The following SLCO1B3 variants were observed in gnomAD, a reference collection of about 807,000 sequenced individuals.
SLCO1B3 encodes the protein solute carrier organic anion transporter family member 1B3, also known as liver-specific organic anion transporter 2.
In SLCO1B3, 72 loss-of-function variants were observed where a neutral mutation model predicts 71.8. The observed-to-expected ratio is 1.00, with a 90% CI of 0.83 to 1.22. The LOEUF (loss-of-function observed/expected upper bound fraction) is 1.22. Ranked by LOEUF, SLCO1B3 falls within the 50% of genes most tolerant of loss-of-function variation. The pLI, the probability that SLCO1B3 is intolerant of heterozygous loss-of-function variation, is 0.00. For synonymous variants in SLCO1B3, 298 were observed against 278.4 expected (o/e 1.07, Z -0.70); for missense variants, 911 against 819.7 (o/e 1.11, Z -1.36).
intron 1 of SLCO1B3, among the ~76,000 whole-genome samples, chr12:20,811,035 A>G (rs749315592): frequency 6.6e-6 from 1 of 152,182 alleles, no homozygotes; most frequent in Non-Finnish European, 1.5e-5. Flanking sequence ...ATTGCTTTCT[A>G]AACAAATGAA....
At chr12:20,879,016 T>C (rs1237129370) in intron 10 of SLCO1B3, among the ~76,000 whole-genome samples, 2 of 152,080 alleles carry the variant, frequency 1.3e-5, no homozygotes, top group Non-Finnish European at 2.9e-5. Context: ...ATTTTGTTTT[T>C]GTTGTTGATT....
chr12:20,881,152 C>T, intron 12 of SLCO1B3, 132 bp downstream of exon 12: 1 of 635,380 alleles, frequency 1.6e-6, no homozygotes. Flanking sequence ...CCAGTATTAT[C>T]TGTCCTCGTG....
chr12:20,889,215 G>T (rs901379541), intron 13 of SLCO1B3, among the ~76,000 whole-genome samples: 7 of 151,372 alleles, frequency 4.6e-5, no homozygotes, highest in Admixed American at 4.6e-4. Context: ...TGACTTCATA[G>T]AATTAGTTGA....
chr12:20,854,351 A>G (rs181293212), intron 3 of SLCO1B3, among the ~76,000 whole-genome samples: 37 of 151,954 alleles, frequency 2.4e-4, no homozygotes, highest in Non-Finnish European at 2.6e-4. Context: ...AGTTGTATCT[A>G]TGTTTGTTTC....
chr12:20,888,721 CTACGTTGAATACGAG>C (rs1865840382), intron 13 of SLCO1B3, among the ~76,000 whole-genome samples: 1 of 151,960 alleles, frequency 6.6e-6, no homozygotes, highest in South Asian at 2.1e-4. Flanking sequence ...ACTTCCAATA[CTACGTTGAATACGAG>C]TAGTGAAAGT....
At chr12:20,814,112 T>C (rs531360920) in intron 2 of SLCO1B3, among the ~76,000 whole-genome samples, 34 of 152,314 alleles carry the variant, frequency 2.2e-4, no homozygotes, top group African/African-American at 7.2e-4. Flanking sequence ...ATCTATGTTA[T>C]GTGTCTGCTT....
intron 13 of SLCO1B3, among the ~76,000 whole-genome samples, chr12:20,894,705 A>C (rs1042364997): frequency 3.3e-5 from 5 of 152,340 alleles, no homozygotes; most frequent in Middle Eastern, 6.8e-3. Context: ...TCCTTTGAGA[A>C]ATCTGATATT....
chr12:20,886,161 G>A lies in SLCO1B3; in HGVS notation c.1682+2559G>A, dbSNP rs559312246. 1.6e-4 allele frequency among the ~76,000 whole-genome samples: 24 copies of A among 152,170 alleles called. No homozygotes were observed. The South Asian group carries it at 4.6e-3, about 29-fold the overall frequency. On this transcript the variant is annotated intron_variant, in intron 13 of 15. Transcript: ENST00000381545. Reference sequence around the variant, plus strand: ...TTCTGGCCTGAGCTCTGGAAAGATGGTGATACTATTGAACAAAAGGGGAAA... The same window carrying A: ...TTCTGGCCTGAGCTCTGGAAAGATGATGATACTATTGAACAAAAGGGGAAA...
At chr12:20,862,297 G>C (rs1402030760) in intron 6 of SLCO1B3, 115 bp from the exon 7 acceptor site, 2 of 1,204,984 alleles carry the variant, frequency 1.7e-6, no homozygotes, top group Non-Finnish European at 2.3e-6. Context: ...TGAATCACTT[G>C]TAATTAGGAA....
chr12:20,883,763 A>G (rs560482738), intron 13 of SLCO1B3, among the ~76,000 whole-genome samples, 161 bp downstream of exon 13: 1 of 152,040 alleles, frequency 6.6e-6, no homozygotes, highest in South Asian at 2.1e-4. Flanking sequence ...CAATAACATC[A>G]TTAATAATTT....
intron 9 of SLCO1B3, among the ~76,000 whole-genome samples, chr12:20,877,229 C>A (rs1380588239): frequency 7.5e-6 from 1 of 134,088 alleles, no homozygotes; most frequent in Non-Finnish European, 1.6e-5. Flanking sequence ...CAACTGTAAA[C>A]ATTTTCTATA....
rs769123182 is a variant in SLCO1B3, at chr12:20,858,544, C to T, written c.332C>T (p.Thr111Ile). The T allele has an allele frequency of 3.7e-6, 6 of 1,606,506 alleles. No individual in the cohort carries two copies. Among genetic ancestry groups the T allele is most frequent in the Non-Finnish European group, 4.3e-6 (5 of 1,173,268 alleles). Residue 111 changes from threonine to isoleucine, a missense_variant, in exon 5 of 16, where the codon ACA becomes ATA. By Grantham distance (89) the Thr-to-Ile change is moderately conservative. Coordinates refer to ENST00000381545, the MANE Select transcript of SLCO1B3 (RefSeq NM_019844.4). ...CTTATGGGAACTGGAAGTATTTTGA[C>T]ATCTTTACCACATTTCTTCATGGGA... is the stretch of plus-strand genomic sequence containing the variant. ...CLLMGTGSIL[T>I]SLPHFFMGYY...
At chr12:20,874,460 A>G (rs1865538020) in intron 8 of SLCO1B3, among the ~76,000 whole-genome samples, 1 of 152,188 alleles carries the variant, frequency 6.6e-6, no homozygotes, top group African/African-American at 2.4e-5. Context: ...CAGTATGTTC[A>G]TGGAGAAAAA....
At position 20,858,003 on chromosome 12, in the gene SLCO1B3, A is replaced by G. The variant is rs997448993; in HGVS notation, c.227-436A>G. ...TTTATTTTATTACTAGTGTGTTTCT[A>G]GAGAACAAGTACCACGATTTTTTTT... On this transcript the variant is annotated intron_variant, in intron 4 of 15. Coordinates refer to ENST00000381545, the MANE Select transcript of SLCO1B3 (RefSeq NM_019844.4). Among the ~76,000 whole-genome samples the G allele has an allele frequency of 3.3e-5, 5 of 152,224 alleles. No homozygotes were observed. In the East Asian group the frequency reaches 7.7e-4, roughly 24 times the overall value.
chr12:20,846,402 T>C (rs1864921173), intron 3 of SLCO1B3, among the ~76,000 whole-genome samples: 1 of 152,226 alleles, frequency 6.6e-6, no homozygotes, highest in Admixed American at 6.5e-5. Flanking sequence ...TTATAAGGTA[T>C]TTAACTTCGT....
chr12:20,883,657 T>C, intron 13 of SLCO1B3, 55 bp downstream of exon 13: 1 of 1,108,740 alleles, frequency 9.0e-7, no homozygotes, highest in African/African-American at 1.7e-5. Context: ...ACACACCTAA[T>C]GATAGGCATA....
In SLCO1B3 at chr12:20,912,421, T is replaced by C. The variant is rs375358425; in HGVS notation, c.1866-3583T>C. ...GTCACTCACTGCAACCTCTGCTTCC[T>C]GGGTTCAAACAATTCTCGTGTCTTG... On this transcript the variant is annotated intron_variant, in intron 15 of 15. Coordinates refer to ENST00000381545, the MANE Select transcript of SLCO1B3 (RefSeq NM_019844.4). Among the ~76,000 whole-genome samples the C allele has an allele frequency of 8.2e-4, 124 of 151,088 alleles. 2 individuals carry two copies. The South Asian group carries it at 0.025, about 30-fold the overall frequency.
Position 20,846,639 on chromosome 12 carries a change from T to G in SLCO1B3, c.85-8389T>G, listed in dbSNP as rs369250928. Among the ~76,000 whole-genome samples, 125 of 152,176 alleles carry G rather than the reference T, an allele frequency of 8.2e-4. 2 individuals are homozygous for G. In the South Asian group the frequency reaches 0.025, roughly 30 times the overall value. ...ACAGGGGATAACCAGAATAACATAA[T>G]CCATGGATACTTGTGAGGAATGATG... On this transcript the variant is annotated intron_variant, in intron 3 of 15. Transcript: ENST00000381545.
At chr12:20,812,187 A>T (rs1437888008) in intron 1 of SLCO1B3, among the ~76,000 whole-genome samples, 1 of 152,056 alleles carries the variant, frequency 6.6e-6, no homozygotes, top group Non-Finnish European at 1.5e-5. Context: ...GATTACAGGC[A>T]TGAGTCACTG....
Sources: gnomAD v4.1 joint callset for allele counts (sites outside exome capture counted in the v4.1 genomes callset) on GRCh38, gnomAD v4.1.1 for gene constraint, MANE v1.5 for transcripts, NCBI Gene and HGNC (gene_info 2026-07-23, HGNC 2026-07-21) for gene names.